Variants in BBS4 observed in about 807,000 individuals in gnomAD.
BBS4 encodes Bardet-Biedl syndrome 4.
In BBS4, 58 loss-of-function variants were observed where a neutral mutation model predicts 71.4. The observed-to-expected ratio is 0.81, with a 90% CI of 0.66 to 1.01. The LOEUF (loss-of-function observed/expected upper bound fraction) is 1.01, where lower values mean the gene tolerates loss of function less well. Ranked by LOEUF, BBS4 falls within the 50% of genes least tolerant of loss-of-function variation. The pLI, the probability that BBS4 is intolerant of heterozygous loss-of-function variation, is 0.00. For missense variants in BBS4, 660 were observed against 607.9 expected (o/e 1.09, Z -0.90); for synonymous variants, 228 against 216.8 (o/e 1.05, Z -0.46).
chr15:72,711,796 T>G lies in BBS4; in HGVS notation c.157-448T>G, dbSNP rs182333163. 5.1e-4 allele frequency among the ~76,000 whole-genome samples: 77 copies of G among 152,268 alleles called. 1 individual carries two copies. The Middle Eastern group carries it at 0.024, about 47-fold the overall frequency. ...TTAAGAAACTGAATGAACTAATACT[T>G]TACTAGGCATTATTAATACTCTAGG... On this transcript the variant is annotated intron_variant, in intron 3 of 15. Coordinates refer to ENST00000268057, the MANE Select transcript of BBS4 (RefSeq NM_033028.5).
At chr15:72,713,314 G>GACACACACACACACACACAC (rs36072427) in intron 4 of BBS4, among the ~76,000 whole-genome samples, 40 of 143,552 alleles carry the variant, frequency 2.8e-4, no homozygotes, top group Non-Finnish European at 4.2e-4. Flanking sequence ...AGGTCTTTGT[G>GACACACACACACACACACAC]ACACACACAC....
chr15:72,721,264 C>T (rs1251519867), intron 6 of BBS4, among the ~76,000 whole-genome samples: 1 of 151,876 alleles, frequency 6.6e-6, no homozygotes, highest in African/African-American at 2.4e-5. Flanking sequence ...TCGAGTGTGA[C>T]GATGTGGGTA....
chr15:72,701,767 A>G (rs1238062960), intron 2 of BBS4, among the ~76,000 whole-genome samples: 3 of 152,334 alleles, frequency 2.0e-5, no homozygotes, highest in East Asian at 3.8e-4. Flanking sequence ...ATTTTTAAAA[A>G]TCATTTGAAA....
At chr15:72,700,772 A>G (rs1344210295) in intron 2 of BBS4, among the ~76,000 whole-genome samples, 1 of 152,032 alleles carries the variant, frequency 6.6e-6, no homozygotes, top group Non-Finnish European at 1.5e-5. Context: ...AAAAGTTTTA[A>G]TTTTGATGAA....
chr15:72,723,519 G>A (rs937528615), intron 7 of BBS4, among the ~76,000 whole-genome samples: 1 of 152,122 alleles, frequency 6.6e-6, no homozygotes, highest in Non-Finnish European at 1.5e-5. Flanking sequence ...TAGTGATTGT[G>A]AAGTTTTATT....
At chr15:72,729,828 C>T (rs997502971) in intron 10 of BBS4, 144 bp downstream of exon 10, 3 of 699,336 alleles carry the variant, frequency 4.3e-6, no homozygotes, top group Non-Finnish European at 7.4e-6. Context: ...GGTGGCTCTT[C>T]TTATTTGAAA....
chr15:72,715,661 G>A (rs577960894), intron 5 of BBS4, among the ~76,000 whole-genome samples: 1 of 152,316 alleles, frequency 6.6e-6, no homozygotes, highest in Admixed American at 6.5e-5. Context: ...TGTTTATCAT[G>A]TAAATAGAGA....
rs755782231 is a variant in BBS4 at position 72,704,488 on chromosome 15, T to A, written c.77-5212T>A. On this transcript the variant is annotated intron_variant, in intron 2 of 15. Coordinates refer to ENST00000268057, the MANE Select transcript of BBS4 (RefSeq NM_033028.5). ...TCAACTTATATATTTACAGGTAAAA[T>A]TCTAATTGTAAATTCAGGATTCATA... The A allele has an allele frequency of 3.1e-6, 4 of 1,271,062 alleles. No individual in the cohort carries two copies. In the African/African-American group the frequency reaches 6.1e-5, roughly 19 times the overall value. The allele number at this position is 1,271,062 out of a possible 1,614,324, so 78.7% of individuals were successfully genotyped here.
intron 8 of BBS4, among the ~76,000 whole-genome samples, chr15:72,726,006 CCTCT>C (rs990600884): frequency 1.5e-5 from 2 of 134,808 alleles, no homozygotes; most frequent in Admixed American, 1.5e-4. Flanking sequence ...CTTTCCCCTC[CCTCT>C]CTCCCTTCCT....
At position 72,716,807 on chromosome 15, in the gene BBS4, T is replaced by C; in HGVS notation, c.362T>C (p.Ile121Thr). 1 of 1,610,630 alleles carries C rather than the reference T, an allele frequency of 6.2e-7. No individual in the cohort carries two copies. The highest frequency in any genetic ancestry group is 1.8e-4 in the Middle Eastern group (1 of 5,526). Residue 121 changes from isoleucine to threonine, a missense_variant, in exon 6 of 16, where the codon ATT (isoleucine) becomes ACT (threonine). Coordinates refer to ENST00000268057, the MANE Select transcript of BBS4 (RefSeq NM_033028.5). ...LFLLGKHKAAIEVYNEAAKLN... is the reference protein window; with the variant it reads ...LFLLGKHKAATEVYNEAAKLN... ...CTTTTGGGAAAACATAAAGCTGCCA[T>C]TGAAGTATATAATGAAGCAGCTAAA...
chr15:72,699,616 C>T (rs2065135799), intron 2 of BBS4, among the ~76,000 whole-genome samples: 1 of 152,072 alleles, frequency 6.6e-6, no homozygotes, highest in African/African-American at 2.4e-5. Flanking sequence ...ATGCCTTTTT[C>T]CAGTAAGTCT....
Position 72,735,915 on chromosome 15 carries a change from G to A in BBS4, c.1197G>A (p.Glu399=). The A allele has an allele frequency of 6.2e-7, 1 of 1,614,104 alleles. No homozygotes were observed. Among genetic ancestry groups the A allele is most frequent in the Non-Finnish European group, 8.5e-7 (1 of 1,180,008 alleles). Residue 399 remains glutamate, a synonymous_variant, in exon 14 of 16, where the codon GAG becomes GAA. Coordinates refer to ENST00000268057, the MANE Select transcript of BBS4 (RefSeq NM_033028.5). ...CCCTGGCCCAATATCAGGAGATGGA[G>A]AAGAAAGTCAGCCTACTCAAGGACA... is the stretch of plus-strand genomic sequence containing the variant. ...KNALAQYQEM[E]KKVSLLKDNS...
In BBS4 at chr15:72,722,821, T is replaced by C; in HGVS notation, c.433T>C (p.Tyr145His). 1 of 1,613,988 alleles carries C rather than the reference T, an allele frequency of 6.2e-7. No homozygotes were observed. The highest frequency in any genetic ancestry group is 8.5e-7 in the Non-Finnish European group (1 of 1,179,934). ...WEISHNLGVC[Y>H]IYLKQFNKAQ... Reference sequence around the variant, plus strand: ...GATCAGCCATAACCTAGGAGTTTGCTACATATACCTGAAGCAGTTCAACAA... The same window carrying C: ...GATCAGCCATAACCTAGGAGTTTGCCACATATACCTGAAGCAGTTCAACAA... The change falls in exon 7 of 16, where the codon TAC becomes CAC. Residue 145 changes from tyrosine (Y) to histidine (H), a missense_variant. By Grantham distance (83) the Tyr-to-His change is moderately conservative. Coordinates refer to ENST00000268057, the MANE Select transcript of BBS4 (RefSeq NM_033028.5).
chr15:72,731,601 G>A lies in BBS4; in HGVS notation c.911G>A (p.Trp304Ter). ...KRANYLAPFD[W>*]KILYNLGLVH... ...GCCAACTACTTGGCACCCTTTGATTGGAAGATTCTGTATAATTTGGGCCTT... is the reference window on the plus strand; with the variant it reads ...GCCAACTACTTGGCACCCTTTGATTAGAAGATTCTGTATAATTTGGGCCTT... Residue 304 changes from tryptophan to a stop codon, truncating the protein, a stop_gained, in exon 12 of 16, where the codon TGG (tryptophan) becomes TAG (stop). Transcript: ENST00000268057. LOFTEE classifies it high-confidence loss of function. 6.2e-7 allele frequency: 1 copy of A among 1,614,148 alleles called. No individual in the cohort carries two copies. Among genetic ancestry groups the A allele is most frequent in the Non-Finnish European group, 8.5e-7 (1 of 1,180,030 alleles).
intron 6 of BBS4, among the ~76,000 whole-genome samples, chr15:72,720,322 A>G (rs963947575): frequency 2.7e-5 from 4 of 150,286 alleles, no homozygotes; most frequent in East Asian, 2.0e-4. Flanking sequence ...AGTTTCTAGG[A>G]AAAAAAAATA....
chr15:72,738,238 G>A lies in BBS4; in HGVS notation c.*651G>A, dbSNP rs1301322968. The A allele has an allele frequency of 4.4e-6, 2 of 454,026 alleles. No homozygotes were observed. Among genetic ancestry groups the A allele is most frequent in the Non-Finnish European group, 8.8e-6 (2 of 226,768 alleles). 28.1% of individuals were successfully genotyped at this position (454,026 alleles called of 1,614,324 possible). On this transcript the variant is annotated 3_prime_UTR_variant, in exon 16 of 16. Transcript: ENST00000268057. ...TCTAGAAGCTAGATCCTATCAGGAT[G>A]AGGAGCAGCAGCCCAGGGCTTGTCT...
chr15:72,720,364 A>T (rs1447762802), intron 6 of BBS4, among the ~76,000 whole-genome samples: 1 of 151,748 alleles, frequency 6.6e-6, no homozygotes, highest in East Asian at 1.9e-4. Context: ...CTGTAGTCCT[A>T]GCTATTCTAG....
chr15:72,733,918 C>T (rs529800072), intron 12 of BBS4, among the ~76,000 whole-genome samples: 1 of 152,292 alleles, frequency 6.6e-6, no homozygotes, highest in East Asian at 1.9e-4. Context: ...CTTTTCTCTG[C>T]AGCCTCACCA....
Position 72,731,315 on chromosome 15 carries a change from C to T in BBS4, c.722C>T (p.Ala241Val). ...YDPTNYKAIL[A>V]AGSMMQTHGD... ...GTGCCATGTTTTCAGGCCATCTTGG[C>T]AGCAGGCAGCATGATGCAGACCCAC... Residue 241 changes from alanine to valine, a missense_variant, in exon 11 of 16, where the codon GCA becomes GTA. Transcript: ENST00000268057. 1 of 1,614,022 alleles carries T rather than the reference C, an allele frequency of 6.2e-7. No homozygotes were observed. Among genetic ancestry groups the T allele is most frequent in the African/African-American group, 1.3e-5 (1 of 75,002 alleles).
Sources: allele counts gnomAD v4.1 joint callset (sites outside exome capture counted in the v4.1 genomes callset), GRCh38; gene constraint gnomAD v4.1.1; transcripts MANE v1.5; gene names NCBI Gene and HGNC (gene_info 2026-07-23, HGNC 2026-07-21).